KCNT2: variants seen among roughly 807,000 people sequenced by gnomAD.
KCNT2 encodes potassium channel subfamily T member 2.
In KCNT2, 67 loss-of-function variants were observed where a neutral mutation model predicts 153.8. The ratio of observed to expected loss-of-function variants is 0.44; its 90% CI spans 0.36 to 0.53. The LOEUF is 0.53. Among genes scored for constraint, KCNT2 ranks in the 20% least tolerant of loss-of-function variants. KCNT2 has a pLI of 0.00. For missense variants in KCNT2, 975 were observed against 1,354.8 expected, an observed-to-expected ratio of 0.72 and a Z score of 4.40; for synonymous variants, 500 against 458.8, an observed-to-expected ratio of 1.09 and a Z score of -1.15.
At chr1:196,373,448 C>T (rs942153019) in intron 13 of KCNT2, among the ~76,000 whole-genome samples, 200 bp from the exon 14 acceptor site, 8 of 151,742 alleles carry the variant, frequency 5.3e-5, no homozygotes, top group African/African-American at 1.9e-4. Flanking sequence ...AAGTGATTGG[C>T]TTGGGGGTCA....
chr1:196,381,359 G>C (rs1669474889), intron 13 of KCNT2, among the ~76,000 whole-genome samples: 1 of 151,762 alleles, frequency 6.6e-6, no homozygotes, highest in Non-Finnish European at 1.5e-5. Context: ...TTCTAACCAA[G>C]AGTATACTTT....
chr1:196,317,899 G>A (rs1350916564), intron 20 of KCNT2, among the ~76,000 whole-genome samples: 2 of 151,468 alleles, frequency 1.3e-5, no homozygotes, highest in Non-Finnish European at 3.0e-5. Flanking sequence ...ATAGAAAGTA[G>A]ATAAATTTGG....
At chr1:196,247,088 A>C (rs1655522251) in intron 26 of KCNT2, among the ~76,000 whole-genome samples, 1 of 152,186 alleles carries the variant, frequency 6.6e-6, no homozygotes, top group Middle Eastern at 3.2e-3. Flanking sequence ...AAAGGTATGG[A>C]AAAAGACATT....
chr1:196,388,437 A>G (rs1476216711), intron 13 of KCNT2, among the ~76,000 whole-genome samples: 1 of 151,636 alleles, frequency 6.6e-6, no homozygotes, highest in African/African-American at 2.4e-5. Context: ...TTTCAAAGTG[A>G]CAGCTATAAT....
chr1:196,604,798 T>C (rs1439586560), intron 1 of KCNT2, among the ~76,000 whole-genome samples: 4 of 151,964 alleles, frequency 2.6e-5, no homozygotes, highest in Non-Finnish European at 4.4e-5. Flanking sequence ...TACAATATTT[T>C]ATAATACATA....
chr1:196,519,802 T>C (rs977935464), intron 1 of KCNT2, among the ~76,000 whole-genome samples: 3 of 151,970 alleles, frequency 2.0e-5, no homozygotes, highest in African/African-American at 7.2e-5. Context: ...CAGTAATAAA[T>C]AGCATACCAA....
chr1:196,296,619 T>A (rs1456724321), intron 22 of KCNT2, among the ~76,000 whole-genome samples: 8 of 152,130 alleles, frequency 5.3e-5, no homozygotes, highest in Non-Finnish European at 1.2e-4. Context: ...ACAGAATCTC[T>A]CAAGTAATTC....
intron 1 of KCNT2, among the ~76,000 whole-genome samples, chr1:196,499,124 A>G (rs1276387556): frequency 1.3e-5 from 2 of 152,234 alleles, no homozygotes; most frequent in Non-Finnish European, 2.9e-5. Flanking sequence ...TTATACTTTC[A>G]AAACTCAAGG....
intron 14 of KCNT2, among the ~76,000 whole-genome samples, chr1:196,344,399 C>T (rs957020648): frequency 6.6e-6 from 1 of 152,066 alleles, no homozygotes; most frequent in Admixed American, 6.6e-5. Context: ...CAACATAAAA[C>T]AGTTTTGATT....
At chr1:196,556,812 G>T (rs898535584) in intron 1 of KCNT2, among the ~76,000 whole-genome samples, 10 of 151,432 alleles carry the variant, frequency 6.6e-5, no homozygotes, top group Admixed American at 5.3e-4. Flanking sequence ...AAAAGAATAT[G>T]ATTTTGTCAT....
chr1:196,423,144 C>T (rs758082448), intron 11 of KCNT2, 31 bp from the exon 12 acceptor site: 4 of 1,430,868 alleles, frequency 2.8e-6, no homozygotes, highest in South Asian at 1.2e-5. Context: ...AAAATAATCA[C>T]ACACTGAAAT....
At chr1:196,504,782 T>A (rs1292853308) in intron 1 of KCNT2, among the ~76,000 whole-genome samples, 4 of 152,302 alleles carry the variant, frequency 2.6e-5, no homozygotes, top group Admixed American at 2.6e-4. Context: ...CCATTCTAAC[T>A]GGTGTGAGAT....
At chr1:196,463,676 A>C (rs569281618) in intron 8 of KCNT2, among the ~76,000 whole-genome samples, 7 of 151,986 alleles carry the variant, frequency 4.6e-5, no homozygotes, top group African/African-American at 1.7e-4. Context: ...AAATAATTTC[A>C]ATAATGAATA....
intron 13 of KCNT2, among the ~76,000 whole-genome samples, chr1:196,375,197 T>G (rs1039312468): frequency 4.0e-5 from 6 of 151,772 alleles, no homozygotes; most frequent in African/African-American, 1.5e-4. Context: ...TTTCAAAAAC[T>G]GTACTAATCA....
chr1:196,573,409 C>G (rs768450335), intron 1 of KCNT2, among the ~76,000 whole-genome samples: 1 of 151,990 alleles, frequency 6.6e-6, no homozygotes, highest in African/African-American at 2.4e-5. Flanking sequence ...ATTTATCCAG[C>G]ACTACATTTA....
At chr1:196,471,711 C>G (rs563029936) in intron 5 of KCNT2, among the ~76,000 whole-genome samples, 1 of 151,304 alleles carries the variant, frequency 6.6e-6, no homozygotes, top group South Asian at 2.1e-4. Flanking sequence ...AAACAAAAAC[C>G]TTTTATCTCT....
intron 1 of KCNT2, among the ~76,000 whole-genome samples, chr1:196,593,011 T>C (rs1236575403): frequency 6.6e-6 from 1 of 150,642 alleles, no homozygotes; most frequent in African/African-American, 2.4e-5. Flanking sequence ...TGTAAGATTT[T>C]GGTGCACCCA....
At chr1:196,541,435 A>G (rs6690846) in intron 1 of KCNT2, among the ~76,000 whole-genome samples, 1 of 152,202 alleles carries the variant, frequency 6.6e-6, no homozygotes, top group South Asian at 2.1e-4. Context: ...CAAAACAAAT[A>G]TAATGAATAG....
At chr1:196,573,149 G>A (rs1660965077) in intron 1 of KCNT2, among the ~76,000 whole-genome samples, 3 of 151,834 alleles carry the variant, frequency 2.0e-5, no homozygotes, top group Admixed American at 6.6e-5. Flanking sequence ...TAACTTCAAA[G>A]AATGGTCTTA....
Sources: gnomAD v4.1 joint callset for allele counts (sites outside exome capture counted in the v4.1 genomes callset) on GRCh38, gnomAD v4.1.1 for gene constraint, MANE v1.5 for transcripts, NCBI Gene and HGNC (gene_info 2026-07-23, HGNC 2026-07-21) for gene names.